The following CALCR variants were observed in gnomAD, a reference collection of about 807,000 sequenced individuals.
CALCR encodes calcitonin receptor.
CALCR carries 47 observed loss-of-function variants against 59.5 expected under a neutral mutation model. The observed-to-expected ratio is 0.79, with a 90% CI of 0.63 to 1.01. The LOEUF is 1.01. Ranked by LOEUF, CALCR falls within the 50% of genes least tolerant of loss-of-function variation. CALCR has a pLI of 0.00. For synonymous variants in CALCR, 213 were observed against 211.3 expected (o/e 1.01, Z -0.07); for missense variants, 566 against 597.1 (o/e 0.95, Z 0.54).
chr7:93,536,770 G>A (rs1789001461), intron 2 of CALCR, among the ~76,000 whole-genome samples: 1 of 151,254 alleles, frequency 6.6e-6, no homozygotes, highest in South Asian at 2.1e-4. Context: ...TCTCATGTTG[G>A]CTTTTTTTCT....
intron 2 of CALCR, among the ~76,000 whole-genome samples, chr7:93,529,034 G>A (rs777466267): frequency 3.9e-5 from 6 of 152,114 alleles, no homozygotes; most frequent in Admixed American, 6.5e-5. Flanking sequence ...GCATGCATTC[G>A]TGCATGGATG....
At chr7:93,510,345 G>C (rs1801519031) in intron 2 of CALCR, among the ~76,000 whole-genome samples, 3 of 152,130 alleles carry the variant, frequency 2.0e-5, no homozygotes, top group Admixed American at 6.6e-5. Flanking sequence ...TTGACACTGA[G>C]TTCATCTTTC....
intron 2 of CALCR, among the ~76,000 whole-genome samples, chr7:93,525,405 C>T (rs1483682832): frequency 6.6e-6 from 1 of 152,108 alleles, no homozygotes; most frequent in East Asian, 1.9e-4. Context: ...GGTTGGATTT[C>T]TCAGTACTAT....
At chr7:93,457,264 T>C (rs1800227446) in intron 8 of CALCR, among the ~76,000 whole-genome samples, 1 of 152,016 alleles carries the variant, frequency 6.6e-6, no homozygotes, top group Non-Finnish European at 1.5e-5. Context: ...CCCTTGGGAG[T>C]TTTGAAAAGC....
At chr7:93,475,930 A>G (rs145550890) in intron 5 of CALCR, among the ~76,000 whole-genome samples, 7 of 151,898 alleles carry the variant, frequency 4.6e-5, no homozygotes, top group African/African-American at 1.2e-4. Context: ...AAAATACTCT[A>G]TGTGTGGACT....
chr7:93,546,982 G>A (rs138913081), intron 2 of CALCR, among the ~76,000 whole-genome samples: 2 of 152,204 alleles, frequency 1.3e-5, no homozygotes, highest in African/African-American at 2.4e-5. Flanking sequence ...CCCACAGTCG[G>A]GTAAAGGAAT....
chr7:93,455,878 A>G (rs1800199905), intron 8 of CALCR, among the ~76,000 whole-genome samples: 1 of 152,148 alleles, frequency 6.6e-6, no homozygotes, highest in Admixed American at 6.6e-5. Flanking sequence ...AAATTTCACC[A>G]TGTGTGTTCC....
chr7:93,540,757 A>G (rs934359050), intron 2 of CALCR, among the ~76,000 whole-genome samples: 2 of 60,772 alleles, frequency 3.3e-5, no homozygotes, highest in African/African-American at 7.7e-5. Flanking sequence ...TTTATATTAT[A>G]TAATATTATA....
At chr7:93,452,205 A>G (rs533509745) in intron 8 of CALCR, among the ~76,000 whole-genome samples, 2 of 152,128 alleles carry the variant, frequency 1.3e-5, no homozygotes, top group African/African-American at 4.8e-5. Context: ...ACATCTTGGA[A>G]GAATTTAGGG....
At chr7:93,571,090 A>G (rs975389199) in intron 2 of CALCR, among the ~76,000 whole-genome samples, 1 of 152,184 alleles carries the variant, frequency 6.6e-6, no homozygotes, top group Non-Finnish European at 1.5e-5. Context: ...CTGTGTTTTG[A>G]TACTAGAATT....
At chr7:93,440,068 G>C (rs1244027852) in intron 9 of CALCR, among the ~76,000 whole-genome samples, 1 of 152,032 alleles carries the variant, frequency 6.6e-6, no homozygotes, top group Non-Finnish European at 1.5e-5. Context: ...TCAAATCCTA[G>C]AATTGGAAAC....
At chr7:93,429,356 A>C (rs1799599729) in intron 13 of CALCR, among the ~76,000 whole-genome samples, 1 of 152,212 alleles carries the variant, frequency 6.6e-6, no homozygotes. Context: ...CCTGAAAATA[A>C]ATGTTTTCAG....
intron 2 of CALCR, among the ~76,000 whole-genome samples, chr7:93,526,379 A>G (rs1314689630): frequency 6.6e-6 from 1 of 152,148 alleles, no homozygotes; most frequent in East Asian, 1.9e-4. Flanking sequence ...TCTCTCTAGA[A>G]TAGTATAGCA....
intron 4 of CALCR, among the ~76,000 whole-genome samples, chr7:93,478,083 T>C (rs1050172922): frequency 1.3e-5 from 2 of 150,292 alleles, no homozygotes; most frequent in African/African-American, 4.9e-5. Context: ...TCTCAAAAAT[T>C]ATTTAAAAAA....
At chr7:93,551,526 A>T (rs1563017818) in intron 2 of CALCR, among the ~76,000 whole-genome samples, 1 of 152,206 alleles carries the variant, frequency 6.6e-6, no homozygotes, top group Non-Finnish European at 1.5e-5. Flanking sequence ...TTTGGGATCC[A>T]TTTCCACAAA....
intron 8 of CALCR, among the ~76,000 whole-genome samples, chr7:93,448,654 C>T (rs1216424030): frequency 6.6e-6 from 1 of 152,078 alleles, no homozygotes; most frequent in Admixed American, 6.6e-5. Flanking sequence ...TAAAAATTCT[C>T]TTCTCAGTTA....
At chr7:93,444,688 G>A (rs1207396183) in intron 8 of CALCR, among the ~76,000 whole-genome samples, 1 of 152,028 alleles carries the variant, frequency 6.6e-6, no homozygotes, top group Non-Finnish European at 1.5e-5. Flanking sequence ...TTGAGGATGC[G>A]TGACTGAGGG....
At chr7:93,545,588 G>C (rs1301424109) in intron 2 of CALCR, among the ~76,000 whole-genome samples, 1 of 152,138 alleles carries the variant, frequency 6.6e-6, no homozygotes, top group African/African-American at 2.4e-5. Flanking sequence ...AGGACCCTGA[G>C]AACATGTTTT....
At position 93,428,332 on chromosome 7, in the gene CALCR, T is replaced by C. The variant is rs192369154; in HGVS notation, c.1192-1743A>G. On this transcript the variant is annotated intron_variant, in intron 13 of 13. Coordinates refer to ENST00000426151, the MANE Select transcript of CALCR (RefSeq NM_001742.4). ...GTTATGCAATGTGTCCAAAATCATA[T>C]AGCTAGAATGTGGCAAAGCCACAGT... 8.5e-4 allele frequency among the ~76,000 whole-genome samples: 130 copies of C among 152,320 alleles called. 1 individual carries two copies. Among genetic ancestry groups the C allele is most frequent in the Middle Eastern group, 3.4e-3 (1 of 294 alleles).
Sources: allele counts gnomAD v4.1 joint callset (sites outside exome capture counted in the v4.1 genomes callset), GRCh38; gene constraint gnomAD v4.1.1; transcripts MANE v1.5; gene names NCBI Gene and HGNC (gene_info 2026-07-23, HGNC 2026-07-21).